GALNT18: variants seen among roughly 807,000 people sequenced by gnomAD.
GALNT18 encodes polypeptide N-acetylgalactosaminyltransferase 18, also known as GalNAc-transferase 18.
A neutral mutation model predicts 69.5 loss-of-function variants in GALNT18; 44 were observed. The observed-to-expected ratio is 0.63, with a 90% confidence interval of 0.50 to 0.81. The LOEUF is 0.81. GALNT18 is among the 40% of genes least tolerant of loss of function. The pLI is 0.00. For missense variants in GALNT18, 715 were observed against 810.0 expected, an observed-to-expected ratio of 0.88 and a Z score of 1.42; for synonymous variants, 364 against 318.2, an observed-to-expected ratio of 1.14 and a Z score of -1.53.
intron 1 of GALNT18, among the ~76,000 whole-genome samples, chr11:11,519,279 C>A (rs1162699703): frequency 6.6e-6 from 1 of 152,216 alleles, no homozygotes; most frequent in African/African-American, 2.4e-5. Flanking sequence ...GGAAAGTCAA[C>A]AGAGGTAGAG....
chr11:11,429,945 G>A (rs536357802), intron 3 of GALNT18, among the ~76,000 whole-genome samples: 18 of 152,168 alleles, frequency 1.2e-4, no homozygotes, highest in Non-Finnish European at 2.4e-4. Flanking sequence ...TTTGAGACCT[G>A]GCTACCCAAC....
At position 11,347,678 on chromosome 11, in the gene GALNT18, TC is replaced by T. The variant is rs573740746; in HGVS notation, c.1093-6675del. Among the ~76,000 whole-genome samples the T allele has an allele frequency of 3.9e-5, 6 of 152,312 alleles. No individual in the cohort carries two copies. The highest frequency in any genetic ancestry group is 1.4e-4 in the African/African-American group (6 of 41,564). Reference sequence around the variant, plus strand: ...CACTGTTCTCTTAGCCCAGAAAGCCTCCTTCCTGCTCTCCACATCCATCCAA... The same window carrying T: ...CACTGTTCTCTTAGCCCAGAAAGCCTCTTCCTGCTCTCCACATCCATCCAA... On this transcript the variant is annotated intron_variant, in intron 6 of 10. Transcript: ENST00000227756. This position sits in a 1 kb window ranked among gnomAD's most constrained non-coding sequence, Gnocchi z 4.0.
At chr11:11,440,030 T>C (rs2133806800) in intron 2 of GALNT18, among the ~76,000 whole-genome samples, 1 of 152,308 alleles carries the variant, frequency 6.6e-6, no homozygotes, top group Non-Finnish European at 1.5e-5. Flanking sequence ...CAGACCTGCA[T>C]CTAAGAGCAG....
chr11:11,298,400 A>G (rs4384379), intron 9 of GALNT18, among the ~76,000 whole-genome samples: 31,066 of 152,270 alleles, frequency 0.2, 3,704 homozygotes, highest in Admixed American at 0.37. Flanking sequence ...TCAGGTAGGC[A>G]GTTGCTCTCT....
chr11:11,307,474 T>C (rs1047800413), intron 9 of GALNT18, among the ~76,000 whole-genome samples: 12 of 152,068 alleles, frequency 7.9e-5, no homozygotes, highest in Admixed American at 2.0e-4. Flanking sequence ...GAAAAAAGAA[T>C]GAAAGAGAGG....
At chr11:11,615,936 T>C (rs915334169) in intron 1 of GALNT18, among the ~76,000 whole-genome samples, 6 of 152,258 alleles carry the variant, frequency 3.9e-5, no homozygotes, top group African/African-American at 1.4e-4. Flanking sequence ...AAAATATTTA[T>C]GTATCAAAAA....
At chr11:11,378,926 G>GT (rs1178116806) in intron 4 of GALNT18, among the ~76,000 whole-genome samples, 155 bp downstream of exon 4, 1 of 152,170 alleles carries the variant, frequency 6.6e-6, no homozygotes, top group Non-Finnish European at 1.5e-5. Context: ...GTCCAGCCTT[G>GT]TTGCCTGGCT....
In GALNT18 at chr11:11,480,091, C is replaced by T. The variant is rs910668583; in HGVS notation, c.236-31155G>A. Among the ~76,000 whole-genome samples, 2 of 152,196 alleles carry T rather than the reference C, an allele frequency of 1.3e-5. No homozygotes were observed. The highest frequency in any genetic ancestry group is 6.8e-3 in the Middle Eastern group (2 of 294). The stretch of plus-strand genomic sequence containing the variant: ...GAGGGGGTACAGGAGGCAGAAAATA[C>T]TGCTATTTGTCACCTTCCCTACCTT... On this transcript the variant is annotated intron_variant, in intron 1 of 10. Coordinates refer to ENST00000227756, the MANE Select transcript of GALNT18 (RefSeq NM_198516.3). The surrounding 1 kb of genome is among the most constrained non-coding windows in gnomAD (Gnocchi z 4.6).
At chr11:11,329,162 A>C (rs1849976810) in intron 8 of GALNT18, among the ~76,000 whole-genome samples, 2 of 152,218 alleles carry the variant, frequency 1.3e-5, no homozygotes, top group African/African-American at 4.8e-5. Flanking sequence ...GGCTGTTATG[A>C]GGATTAAGTG....
At chr11:11,303,726 C>T (rs1432827197) in intron 9 of GALNT18, among the ~76,000 whole-genome samples, 1 of 152,210 alleles carries the variant, frequency 6.6e-6, no homozygotes, top group African/African-American at 2.4e-5. Flanking sequence ...CCCTGCAAGG[C>T]AGACCTGGGG....
At position 11,332,338 on chromosome 11, in the gene GALNT18, T is replaced by A. The variant is rs993833961; in HGVS notation, c.1416+356A>T. 6.6e-6 allele frequency among the ~76,000 whole-genome samples: 1 copy of A among 152,216 alleles called. No individual in the cohort carries two copies. Among genetic ancestry groups the A allele is most frequent in the Non-Finnish European group, 1.5e-5 (1 of 68,032 alleles). On this transcript the variant is annotated intron_variant, in intron 8 of 10. Coordinates refer to ENST00000227756, the MANE Select transcript of GALNT18 (RefSeq NM_198516.3). The surrounding 1 kb of genome is among the most constrained non-coding windows in gnomAD (Gnocchi z 4.3). ...TGGTCAGGGAGGCACACAGGGTGAC[T>A]CATAGACCCTCAGGCACCCCAGCTG...
chr11:11,468,128 G>A (rs1042781629), intron 1 of GALNT18, among the ~76,000 whole-genome samples: 1 of 152,206 alleles, frequency 6.6e-6, no homozygotes, highest in South Asian at 2.1e-4. Flanking sequence ...TATCATAAAT[G>A]TTGTGCTGGT....
intron 3 of GALNT18, among the ~76,000 whole-genome samples, chr11:11,427,490 G>A (rs551228114): frequency 7.5e-4 from 114 of 152,262 alleles, no homozygotes; most frequent in African/African-American, 2.5e-3. Context: ...ACATTCCGAC[G>A]GCTCTGCTCG....
In GALNT18 at chr11:11,573,679, G is replaced by C. The variant is rs370280352; in HGVS notation, c.235+47680C>G. The C allele has an allele frequency of 6.6e-6, 1 of 152,148 alleles. No individual in the cohort carries two copies. The highest frequency in any genetic ancestry group is 1.5e-5 in the Non-Finnish European group (1 of 68,044). 9.4% of individuals were successfully genotyped at this position (152,148 alleles called of 1,614,324 possible). On this transcript the variant is annotated intron_variant, in intron 1 of 10. Coordinates refer to ENST00000227756, the MANE Select transcript of GALNT18 (RefSeq NM_198516.3). This position sits in a 1 kb window ranked among gnomAD's most constrained non-coding sequence, Gnocchi z 4.6. ...ACAGCAGGATCTCCGAGGAGAGAAA[G>C]AATTTCTCTCCAGCCAAAAGCTTCA...
At chr11:11,475,338 C>G (rs1240959191) in intron 1 of GALNT18, 1 of 152,128 alleles carries the variant, frequency 6.6e-6, no homozygotes, top group Non-Finnish European at 1.5e-5. Context: ...CAGTGATATC[C>G]TTCCAAATCT....
chr11:11,372,025 T>A lies in GALNT18; in HGVS notation c.1092+490A>T, dbSNP rs1365721230. ...ATCAGAAAGCAGCCTGCAGTGAGCC[T>A]GGCTGCATCTTGCTGTTTATACACC... On this transcript the variant is annotated intron_variant, in intron 6 of 10. Transcript: ENST00000227756. The surrounding 1 kb of genome is among the most constrained non-coding windows in gnomAD (Gnocchi z 4.9). 1.3e-5 allele frequency among the ~76,000 whole-genome samples: 2 copies of A among 152,202 alleles called. No individual in the cohort carries two copies. Among genetic ancestry groups the A allele is most frequent in the Admixed American group, 1.3e-4 (2 of 15,292 alleles).
intron 6 of GALNT18, among the ~76,000 whole-genome samples, chr11:11,359,583 T>C (rs1052462063): frequency 2.0e-5 from 3 of 152,176 alleles, no homozygotes; most frequent in Non-Finnish European, 2.9e-5. Context: ...CCTCCACTGT[T>C]ACCCCTCCAG....
At chr11:11,290,697 C>T (rs1849281770) in intron 10 of GALNT18, among the ~76,000 whole-genome samples, 1 of 152,196 alleles carries the variant, frequency 6.6e-6, no homozygotes, top group South Asian at 2.1e-4. Context: ...TCCTGAGAAA[C>T]CACCAGCCCT....
At chr11:11,369,897 C>A (rs1271131219) in intron 6 of GALNT18, among the ~76,000 whole-genome samples, 1 of 152,146 alleles carries the variant, frequency 6.6e-6, no homozygotes, top group Non-Finnish European at 1.5e-5. Context: ...ATAATTACTG[C>A]ATGGCTGTTG....
Sources: gnomAD v4.1 joint callset for allele counts (sites outside exome capture counted in the v4.1 genomes callset) on GRCh38, gnomAD v4.1.1 for gene constraint, Gnocchi (gnomAD v3.1) non-coding constraint, MANE v1.5 for transcripts, NCBI Gene and HGNC (gene_info 2026-07-23, HGNC 2026-07-21) for gene names.